DMD: variants seen among roughly 807,000 people sequenced by gnomAD.
DMD encodes the protein mutant dystrophin.
A neutral mutation model predicts 330.1 loss-of-function variants in DMD; 63 were observed. That is an observed-to-expected ratio of 0.19 (90% CI 0.16 to 0.24). The LOEUF is 0.24. Among genes scored for constraint, DMD ranks in the 10% least tolerant of loss-of-function variants. The pLI is 1.00. For synonymous variants in DMD, 1,223 were observed against 959.8 expected (o/e 1.27, Z -5.07); for missense variants, 3,344 against 2,684.1 (o/e 1.25, Z -5.43).
At chrX:33,122,225 A>G (rs1048543860) in intron 1 of DMD, among the ~76,000 whole-genome samples, 4 of 111,090 alleles carry the variant, frequency 3.6e-5, no homozygotes, top group Non-Finnish European at 7.5e-5. Flanking sequence ...ACTCCGTCTC[A>G]AAAACAAACA....
intron 2 of DMD, among the ~76,000 whole-genome samples, chrX:32,935,760 C>G (rs1301423682): frequency 9.0e-6 from 1 of 111,461 alleles, no homozygotes; most frequent in Admixed American, 9.6e-5. Context: ...ATCTCTCCCC[C>G]TTAGACAACC....
chrX:32,336,016 CG>C (rs1168762563), intron 41 of DMD, among the ~76,000 whole-genome samples: 2 of 91,017 alleles, frequency 2.2e-5, no homozygotes, highest in Admixed American at 1.2e-4. Flanking sequence ...TTATATATAA[CG>C]TGTATATATA....
At chrX:31,355,538 G>T (rs755102601) in intron 60 of DMD, among the ~76,000 whole-genome samples, 3 of 112,155 alleles carry the variant, frequency 2.7e-5, no homozygotes, top group Non-Finnish European at 5.6e-5. Context: ...GCAAAAGACA[G>T]AAACTCTTGT....
rs1569559115 is a variant in DMD, at chrX:32,346,094, A to G, written c.5449-14T>C. ...ATTGTCTTCATTCTGATCAAAAACA[A>G]CAAGTACAGTCTTCATTTTGGTTTT... On this transcript the variant is annotated splice_polypyrimidine_tract_variant and intron_variant, in intron 38 of 78. Coordinates refer to ENST00000357033, the MANE Select transcript of DMD (RefSeq NM_004006.3). The G allele has an allele frequency of 3.3e-6, 4 of 1,206,791 alleles. No individual in the cohort carries two copies. The highest frequency in any genetic ancestry group is 3.5e-5 in the South Asian group (2 of 56,766).
At chrX:32,867,004 G>A (rs185158742) in intron 2 of DMD, among the ~76,000 whole-genome samples, 1,210 of 111,230 alleles carry the variant, frequency 0.011, 24 homozygotes, top group African/African-American at 0.037. Context: ...AAAGTGCTGG[G>A]ATTATAGGCC....
intron 62 of DMD, among the ~76,000 whole-genome samples, chrX:31,321,966 T>A (rs1454298684): frequency 9.0e-6 from 1 of 111,445 alleles, no homozygotes; most frequent in African/African-American, 3.3e-5. Context: ...AGGGAGAAGA[T>A]GAATATATAG....
chrX:32,190,717 A>T (rs920251541), intron 44 of DMD, among the ~76,000 whole-genome samples: 43 of 107,900 alleles, frequency 4.0e-4, no homozygotes, highest in Non-Finnish European at 8.2e-4. Context: ...ACTGACGAGT[A>T]GGTTAGAACA....
At chrX:32,244,199 G>C (rs192139438) in intron 43 of DMD, among the ~76,000 whole-genome samples, 5 of 100,608 alleles carry the variant, frequency 5.0e-5, no homozygotes, top group African/African-American at 1.5e-4. Context: ...CTATGAGTGA[G>C]AATATGCAGT....
At chrX:32,324,548 T>A (rs187485228) in intron 41 of DMD, among the ~76,000 whole-genome samples, 1 of 111,263 alleles carries the variant, frequency 9.0e-6, no homozygotes, top group African/African-American at 3.3e-5. Flanking sequence ...ACTAAATGGG[T>A]CTCAGAGAAC....
intron 62 of DMD, chrX:31,267,000 A>G: frequency 1.3e-6 from 1 of 772,606 alleles, no homozygotes; most frequent in South Asian, 2.9e-5. Context: ...CTGCGGGCAG[A>G]CGGGGCGGGG....
intron 17 of DMD, among the ~76,000 whole-genome samples, chrX:32,529,789 C>T (rs755558348): frequency 5.4e-5 from 6 of 110,643 alleles, no homozygotes; most frequent in Non-Finnish European, 9.5e-5. Flanking sequence ...TAATAAAAAG[C>T]CTATAAACTC....
intron 11 of DMD, among the ~76,000 whole-genome samples, chrX:32,630,612 G>A (rs964330038): frequency 5.4e-5 from 6 of 110,756 alleles, no homozygotes; most frequent in South Asian, 3.8e-4. Flanking sequence ...TCTGTTACTC[G>A]TCTCTGACGC....
At chrX:33,320,606 C>T (rs934666200) in intron 1 of DMD, among the ~76,000 whole-genome samples, 9 of 112,268 alleles carry the variant, frequency 8.0e-5, no homozygotes, top group Non-Finnish European at 1.1e-4. Context: ...TGGATGGCTG[C>T]TGATTGATCA....
At chrX:31,930,401 T>C (rs2094838740) in intron 46 of DMD, among the ~76,000 whole-genome samples, 1 of 110,684 alleles carries the variant, frequency 9.0e-6, no homozygotes, top group South Asian at 3.9e-4. Flanking sequence ...GAGTCCTCAT[T>C]TTTTACTTCA....
At chrX:31,381,928 G>C (rs760300204) in intron 60 of DMD, among the ~76,000 whole-genome samples, 1 of 111,703 alleles carries the variant, frequency 9.0e-6, no homozygotes, top group Non-Finnish European at 1.9e-5. Flanking sequence ...CCCAGGACTG[G>C]CAAATTGGCT....
intron 1 of DMD, among the ~76,000 whole-genome samples, chrX:33,206,644 A>G (rs2051588124): frequency 8.9e-6 from 1 of 111,841 alleles, no homozygotes; most frequent in African/African-American, 3.2e-5. Flanking sequence ...GGCCTCCAGA[A>G]AATTGCTCTG....
chrX:32,096,629 T>G (rs1264269022), intron 44 of DMD, among the ~76,000 whole-genome samples: 2 of 109,984 alleles, frequency 1.8e-5, no homozygotes, highest in East Asian at 5.7e-4. Context: ...TAACATAAAC[T>G]GAAGGCTCTT....
intron 1 of DMD, among the ~76,000 whole-genome samples, chrX:33,141,336 A>T (rs1272478921): frequency 9.0e-6 from 1 of 111,293 alleles, no homozygotes; most frequent in Non-Finnish European, 1.9e-5. Context: ...GAGCTCAGCA[A>T]ATTTTAGTAG....
intron 48 of DMD, 52 bp from the exon 49 acceptor site, chrX:31,836,871 A>C (rs1403812480): frequency 1.9e-6 from 2 of 1,044,191 alleles, no homozygotes; most frequent in Admixed American, 4.4e-5. Context: ...TAGCAATAAA[A>C]TTACTAAATT....
Sources: gnomAD v4.1 joint callset for allele counts (sites outside exome capture counted in the v4.1 genomes callset) on GRCh38, gnomAD v4.1.1 for gene constraint, MANE v1.5 for transcripts, NCBI Gene and HGNC (gene_info 2026-07-23, HGNC 2026-07-21) for gene names.